DLG2: variants seen among roughly 807,000 people sequenced by gnomAD.
DLG2 encodes the protein discs large MAGUK scaffold protein 2, also known as disks large homolog 2.
Under a neutral mutation model 132.5 loss-of-function variants are expected in DLG2, and 45 were observed. That is an observed-to-expected ratio of 0.34 (90% CI 0.27 to 0.44). The LOEUF (loss-of-function observed/expected upper bound fraction) is 0.44, where lower values mean the gene tolerates loss of function less well. Among genes scored for constraint, DLG2 ranks in the 20% least tolerant of loss-of-function variants. DLG2 has a pLI of 1.00. For synonymous variants in DLG2, 424 were observed against 419.6 expected (o/e 1.01, Z -0.13); for missense variants, 1,045 against 1,196.9 (o/e 0.87, Z 1.87).
chr11:83,549,001 C>A (rs144863919), intron 19 of DLG2, among the ~76,000 whole-genome samples: 11 of 152,228 alleles, frequency 7.2e-5, no homozygotes, highest in Non-Finnish European at 1.6e-4. Flanking sequence ...GCAAATTACT[C>A]CCTTCTGTGC....
chr11:84,563,011 C>T (rs1813220920), intron 6 of DLG2, among the ~76,000 whole-genome samples: 1 of 152,170 alleles, frequency 6.6e-6, no homozygotes, highest in African/African-American at 2.4e-5. Flanking sequence ...CTCAGCCTCC[C>T]AAAATGCTGT....
chr11:83,870,815 G>A (rs11820598), intron 16 of DLG2, among the ~76,000 whole-genome samples: 1 of 152,100 alleles, frequency 6.6e-6, no homozygotes, highest in Non-Finnish European at 1.5e-5. Context: ...GGTTTGGCTA[G>A]GCAGATCTGC....
intron 18 of DLG2, among the ~76,000 whole-genome samples, chr11:83,743,808 C>T (rs2092717130): frequency 1.3e-5 from 2 of 152,052 alleles, no homozygotes; most frequent in Admixed American, 6.6e-5. Flanking sequence ...TAGCATGCAC[C>T]TCAGAGGGTT....
intron 7 of DLG2, among the ~76,000 whole-genome samples, chr11:84,255,775 A>G (rs1345182483): frequency 2.6e-5 from 4 of 152,184 alleles, no homozygotes; most frequent in African/African-American, 9.7e-5. Context: ...TCTTTCTTTA[A>G]TCAGAAAATT....
At chr11:85,217,316 T>TCACACACACACACACA (rs71895547) in intron 4 of DLG2, among the ~76,000 whole-genome samples, 37 of 138,288 alleles carry the variant, frequency 2.7e-4, no homozygotes, top group South Asian at 5.0e-4. Flanking sequence ...TCTCTCTCTC[T>TCACACACACACACACA]CTCACACACA....
At chr11:83,523,202 C>A (rs1392367499) in intron 21 of DLG2, among the ~76,000 whole-genome samples, 1 of 152,160 alleles carries the variant, frequency 6.6e-6, no homozygotes, top group Non-Finnish European at 1.5e-5. Flanking sequence ...AGAATTTATT[C>A]TTTAATAATT....
chr11:84,910,837 T>A (rs1009495894), intron 6 of DLG2, among the ~76,000 whole-genome samples: 1 of 152,048 alleles, frequency 6.6e-6, no homozygotes, highest in African/African-American at 2.4e-5. Flanking sequence ...AAAGCAGATA[T>A]AAACATCTCC....
At chr11:85,183,819 C>T (rs115993607) in intron 4 of DLG2, among the ~76,000 whole-genome samples, 119 of 151,968 alleles carry the variant, frequency 7.8e-4, no homozygotes, top group African/African-American at 2.7e-3. Context: ...GAACTCCATC[C>T]GTTTCTTGCT....
At chr11:85,400,582 C>T (rs1444810595) in intron 3 of DLG2, among the ~76,000 whole-genome samples, 3 of 146,446 alleles carry the variant, frequency 2.0e-5, no homozygotes, top group Non-Finnish European at 4.5e-5. Flanking sequence ...CACATATACA[C>T]CATGGAATAC....
chr11:84,458,079 T>C (rs547026389), intron 7 of DLG2, among the ~76,000 whole-genome samples: 1 of 149,574 alleles, frequency 6.7e-6, no homozygotes, highest in East Asian at 1.9e-4. Context: ...TAGATATAAA[T>C]GTAGAGACTG....
chr11:84,439,623 C>T (rs774317422), intron 7 of DLG2, among the ~76,000 whole-genome samples: 10 of 152,252 alleles, frequency 6.6e-5, no homozygotes, highest in Non-Finnish European at 1.2e-4. Context: ...AGAAATCCAA[C>T]GAATAAATAT....
rs533685683 is a variant in DLG2, at chr11:84,780,834, A to G, written c.358-246103T>C. 6.6e-5 allele frequency among the ~76,000 whole-genome samples: 10 copies of G among 152,170 alleles called. No homozygotes were observed. In the South Asian group the frequency reaches 2.1e-3, roughly 32 times the overall value. ...TAACTTCCTTCTTCCAGGTATATTC[A>G]TCTTAATGATTGTTTTGAATTCAGC... is the stretch of plus-strand genomic sequence containing the variant. On this transcript the variant is annotated intron_variant, in intron 6 of 27. Coordinates refer to ENST00000376104, the MANE Select transcript of DLG2 (RefSeq NM_001142699.3).
chr11:85,536,614 T>C (rs567581316), intron 3 of DLG2, among the ~76,000 whole-genome samples: 2 of 152,266 alleles, frequency 1.3e-5, no homozygotes, highest in Admixed American at 1.3e-4. Context: ...CACAGGGAAG[T>C]GTGAAGAGAG....
intron 18 of DLG2, among the ~76,000 whole-genome samples, chr11:83,703,813 G>A (rs1323982787): frequency 6.6e-6 from 1 of 152,156 alleles, no homozygotes; most frequent in Non-Finnish European, 1.5e-5. Flanking sequence ...ATTTACAGTA[G>A]TGAAAAATCA....
At chr11:85,207,722 T>G (rs1294974244) in intron 4 of DLG2, among the ~76,000 whole-genome samples, 1 of 152,132 alleles carries the variant, frequency 6.6e-6, no homozygotes, top group African/African-American at 2.4e-5. Context: ...GGCACTTAGA[T>G]GAAGGAGATA....
At chr11:85,378,680 A>C (rs1342736196) in intron 3 of DLG2, among the ~76,000 whole-genome samples, 1 of 152,168 alleles carries the variant, frequency 6.6e-6, no homozygotes, top group East Asian at 1.9e-4. Flanking sequence ...ACCACTTAGG[A>C]AATAAAATAG....
chr11:84,437,718 C>A (rs1251326394), intron 7 of DLG2: 1 of 152,246 alleles, frequency 6.6e-6, no homozygotes, highest in Admixed American at 6.5e-5. Flanking sequence ...CAGGCGCTGC[C>A]TTTGTAGCCA....
chr11:84,785,035 T>C (rs988425424), intron 6 of DLG2, among the ~76,000 whole-genome samples: 1 of 152,136 alleles, frequency 6.6e-6, no homozygotes, highest in Non-Finnish European at 1.5e-5. Flanking sequence ...ATGTATACTT[T>C]AAAACATCGC....
At chr11:83,463,315 G>C (rs2136114887) in intron 26 of DLG2, among the ~76,000 whole-genome samples, 1 of 151,690 alleles carries the variant, frequency 6.6e-6, no homozygotes, top group East Asian at 1.9e-4. Context: ...AAAGTAGTGA[G>C]AATTTCCTGA....
Sources: gnomAD v4.1 joint callset for allele counts (sites outside exome capture counted in the v4.1 genomes callset) on GRCh38, gnomAD v4.1.1 for gene constraint, MANE v1.5 for transcripts, NCBI Gene and HGNC (gene_info 2026-07-23, HGNC 2026-07-21) for gene names.